Variants in ERBB4 observed in about 807,000 individuals in gnomAD.
ERBB4 encodes receptor tyrosine-protein kinase erbB-4.
ERBB4 carries 42 observed loss-of-function variants against 158.0 expected under a neutral mutation model. The observed-to-expected ratio is 0.27, with a 90% CI of 0.21 to 0.34. The LOEUF (loss-of-function observed/expected upper bound fraction) is 0.34, where lower values mean the gene tolerates loss of function less well. Ranked by LOEUF, ERBB4 falls within the 10% of genes least tolerant of loss-of-function variation. ERBB4 has a pLI of 1.00. For missense variants in ERBB4, 1,333 were observed against 1,624.1 expected, an observed-to-expected ratio of 0.82 and a Z score of 3.08; for synonymous variants, 583 against 558.7, an observed-to-expected ratio of 1.04 and a Z score of -0.61.
chr2:212,267,333 C>CTGCATA (rs940024458), intron 1 of ERBB4, among the ~76,000 whole-genome samples: 3 of 151,910 alleles, frequency 2.0e-5, no homozygotes, highest in Admixed American at 2.0e-4. Flanking sequence ...GGGAATATTA[C>CTGCATA]TGCATACTGA....
intron 1 of ERBB4, among the ~76,000 whole-genome samples, chr2:212,514,142 T>C (rs1691689724): frequency 6.6e-6 from 1 of 151,802 alleles, no homozygotes; most frequent in Admixed American, 6.6e-5. Flanking sequence ...TTGCTCACTA[T>C]CAACAGTAAC....
At chr2:212,457,187 A>C (rs1232474112) in intron 1 of ERBB4, among the ~76,000 whole-genome samples, 1 of 152,066 alleles carries the variant, frequency 6.6e-6, no homozygotes, top group Admixed American at 6.6e-5. Flanking sequence ...TTTCAGGCTA[A>C]TAGAGACAGG....
chr2:211,762,867 G>C (rs1559496286), intron 4 of ERBB4, among the ~76,000 whole-genome samples: 1 of 152,084 alleles, frequency 6.6e-6, no homozygotes, highest in Non-Finnish European at 1.5e-5. Context: ...CCTGCTGTCC[G>C]TCATCACAAA....
chr2:211,654,708 G>A (rs2071144935), intron 16 of ERBB4, among the ~76,000 whole-genome samples: 1 of 152,134 alleles, frequency 6.6e-6, no homozygotes, highest in Admixed American at 6.5e-5. Context: ...GTTTCAAAAT[G>A]ACCATTATAA....
At chr2:212,180,403 C>T (rs749378176) in intron 1 of ERBB4, among the ~76,000 whole-genome samples, 3 of 151,646 alleles carry the variant, frequency 2.0e-5, no homozygotes, top group Admixed American at 1.3e-4. Flanking sequence ...AACAAGTCCA[C>T]TTAGACAGAC....
chr2:212,425,187 G>A (rs1315477153), intron 1 of ERBB4, among the ~76,000 whole-genome samples: 1 of 150,948 alleles, frequency 6.6e-6, no homozygotes, highest in African/African-American at 2.4e-5. Context: ...TGAAGTAAAA[G>A]TAAATCAAAT....
intron 19 of ERBB4, among the ~76,000 whole-genome samples, chr2:211,563,212 G>A (rs571086580): frequency 1.3e-5 from 2 of 152,234 alleles, no homozygotes; most frequent in Admixed American, 1.3e-4. Context: ...ATTTGAAATA[G>A]ACATAACCAT....
At chr2:211,493,802 T>C (rs931490376) in intron 20 of ERBB4, among the ~76,000 whole-genome samples, 5 of 152,098 alleles carry the variant, frequency 3.3e-5, no homozygotes, top group African/African-American at 1.2e-4. Flanking sequence ...TCTGGCAATA[T>C]TACATGCTTC....
At chr2:212,475,662 G>C (rs897338951) in intron 1 of ERBB4, among the ~76,000 whole-genome samples, 7 of 152,108 alleles carry the variant, frequency 4.6e-5, no homozygotes, top group African/African-American at 1.2e-4. Flanking sequence ...AACTAAGCTA[G>C]TGACATGCAA....
chr2:212,005,699 T>C (rs909698507), intron 2 of ERBB4, among the ~76,000 whole-genome samples: 2 of 152,216 alleles, frequency 1.3e-5, no homozygotes, highest in Admixed American at 6.5e-5. Flanking sequence ...CAGATTTAAA[T>C]GGTAAAAATG....
intron 1 of ERBB4, among the ~76,000 whole-genome samples, chr2:212,177,333 C>T (rs1018443116): frequency 2.6e-5 from 4 of 151,474 alleles, no homozygotes; most frequent in Admixed American, 2.6e-4. Context: ...CACTGTAAAC[C>T]CACTAAGAAC....
chr2:211,564,308 G>A (rs2067488285), intron 19 of ERBB4, among the ~76,000 whole-genome samples: 1 of 152,082 alleles, frequency 6.6e-6, no homozygotes, highest in Non-Finnish European at 1.5e-5. Flanking sequence ...ACTGTTTTCA[G>A]CGGGAATGCT....
At chr2:212,500,544 C>A (rs1172923257) in intron 1 of ERBB4, among the ~76,000 whole-genome samples, 1 of 151,784 alleles carries the variant, frequency 6.6e-6, no homozygotes. Flanking sequence ...TCACCCATTT[C>A]TTTCTAGGGA....
At chr2:211,604,120 C>T (rs116504288) in intron 19 of ERBB4, among the ~76,000 whole-genome samples, 2,147 of 152,234 alleles carry the variant, frequency 0.014, 23 homozygotes, top group Middle Eastern at 0.044. Flanking sequence ...ATTGATGTTG[C>T]AATGGCAAAT....
At chr2:212,292,456 C>T (rs2086241834) in intron 1 of ERBB4, among the ~76,000 whole-genome samples, 1 of 151,864 alleles carries the variant, frequency 6.6e-6, no homozygotes, top group Non-Finnish European at 1.5e-5. Context: ...ATTAATATTG[C>T]AGTTAATTTC....
At chr2:212,044,688 T>C (rs1475548062) in intron 2 of ERBB4, among the ~76,000 whole-genome samples, 1 of 152,180 alleles carries the variant, frequency 6.6e-6, no homozygotes, top group African/African-American at 2.4e-5. Context: ...AAGGATGCAA[T>C]GCTTATTGTT....
At chr2:211,489,980 G>A (rs1377377554) in intron 20 of ERBB4, among the ~76,000 whole-genome samples, 1 of 151,962 alleles carries the variant, frequency 6.6e-6, no homozygotes, top group African/African-American at 2.4e-5. Context: ...CTAAAATTTA[G>A]GTGTGGCCAG....
Position 211,384,054 on chromosome 2 carries a change from A to T in ERBB4, c.3488T>A (p.Leu1163Gln), listed in dbSNP as rs768312275. 6.2e-7 allele frequency: 1 copy of T among 1,611,528 alleles called. No individual in the cohort carries two copies. The highest frequency in any genetic ancestry group is 1.1e-5 in the South Asian group (1 of 91,014). Residue 1163 changes from leucine to glutamine, a missense_variant, in exon 28 of 28, where the codon CTG (leucine) becomes CAG (glutamine). By Grantham distance (113) the Leu-to-Gln change is moderately radical (BLOSUM62 -2). Coordinates refer to ENST00000342788, the MANE Select transcript of ERBB4 (RefSeq NM_005235.3). ...PMRDKPKQEY[L>Q]NPVEENPFVS... ...AAAAGGGTTCTCCTCCACTGGATTC[A>T]GGTATTCTAAAGGAATAAAAAAATA...
chr2:211,978,773 C>T (rs1021629345), intron 2 of ERBB4, among the ~76,000 whole-genome samples: 1 of 152,144 alleles, frequency 6.6e-6, no homozygotes, highest in African/African-American at 2.4e-5. Context: ...ATGTCACCAT[C>T]ATAAATTGGT....
Sources: allele counts gnomAD v4.1 joint callset (sites outside exome capture counted in the v4.1 genomes callset), GRCh38; gene constraint gnomAD v4.1.1; transcripts MANE v1.5; gene names NCBI Gene and HGNC (gene_info 2026-07-23, HGNC 2026-07-21).